ANKRD7: variants seen among roughly 807,000 people sequenced by gnomAD.
ANKRD7 encodes ankyrin repeat domain-containing protein 7.
Under a neutral mutation model 30.8 loss-of-function variants are expected in ANKRD7, and 30 were observed. The observed-to-expected ratio is 0.97, with a 90% confidence interval of 0.73 to 1.32. The LOEUF (loss-of-function observed/expected upper bound fraction) is 1.32. Among genes scored for constraint, ANKRD7 ranks in the 40% most tolerant of loss-of-function variants. The pLI is 0.00. For synonymous variants in ANKRD7, 97 were observed against 106.6 expected, an observed-to-expected ratio of 0.91 and a Z score of 0.55; for missense variants, 264 against 295.7, an observed-to-expected ratio of 0.89 and a Z score of 0.79.
chr7:118,240,450 A>T (rs1052147298), intron 6 of ANKRD7, among the ~76,000 whole-genome samples: 9 of 152,088 alleles, frequency 5.9e-5, no homozygotes, highest in Non-Finnish European at 1.2e-4. Context: ...ACTGAGAATG[A>T]TGTTTTCCAA....
At chr7:118,241,280 C>G (rs1809837315) in intron 6 of ANKRD7, among the ~76,000 whole-genome samples, 1 of 149,144 alleles carries the variant, frequency 6.7e-6, no homozygotes, top group South Asian at 2.1e-4. Context: ...ACTTTTAGAA[C>G]TCTCCTCTGT....
At chr7:118,227,849 G>A in intron 1 of ANKRD7, 2 of 1,309,600 alleles carry the variant, frequency 1.5e-6, no homozygotes, top group African/African-American at 1.5e-5. Flanking sequence ...AGGTGGGTAA[G>A]TGAAAACTAT....
chr7:118,231,720 A>G (rs1282005550), intron 1 of ANKRD7, among the ~76,000 whole-genome samples: 1 of 152,070 alleles, frequency 6.6e-6, no homozygotes. Context: ...CTAAAGTTCA[A>G]TTTGAAATTT....
In ANKRD7 at chr7:118,234,886, T is replaced by C; in HGVS notation, c.468+12T>C. ...AAGCGAAAAATAAGGTAGTTTTCTA[T>C]TAAAGAAAAAAATCCTGTATTTTAG... On this transcript the variant is annotated intron_variant, in intron 3 of 6. Coordinates refer to ENST00000265224, the MANE Select transcript of ANKRD7 (RefSeq NM_019644.4). The C allele has an allele frequency of 1.3e-6, 2 of 1,576,870 alleles. No individual in the cohort carries two copies. Among genetic ancestry groups the C allele is most frequent in the South Asian group, 1.2e-5 (1 of 84,312 alleles).
intron 4 of ANKRD7, 143 bp from the exon 5 acceptor site, chr7:118,236,647 A>T: frequency 1.2e-6 from 1 of 839,932 alleles, no homozygotes; most frequent in South Asian, 1.8e-5. Context: ...TTTTGAGCAG[A>T]TCTGCTGTAT....
chr7:118,234,540 A>G lies in ANKRD7; in HGVS notation c.289A>G (p.Ile97Val). The part of the protein sequence containing the change: ...VRDSENKSPL[I>V]KAVQCQNEDC... Reference sequence around the variant, plus strand: ...GGATAGTGAAAACAAATCCCCATTGATTAAGGTATGCCATAGTTTTTCTTT... The same window carrying G: ...GGATAGTGAAAACAAATCCCCATTGGTTAAGGTATGCCATAGTTTTTCTTT... The change falls in exon 2 of 7, where the codon ATT (isoleucine) becomes GTT (valine). Residue 97 changes from isoleucine to valine, a missense_variant. By Grantham distance (29) the Ile-to-Val change is conservative. Coordinates refer to ENST00000265224, the MANE Select transcript of ANKRD7 (RefSeq NM_019644.4). 1.2e-6 allele frequency: 2 copies of G among 1,606,238 alleles called. No homozygotes were observed. Among genetic ancestry groups the G allele is most frequent in the East Asian group, 2.2e-5 (1 of 44,772 alleles).
intron 1 of ANKRD7, chr7:118,227,904 G>GTC: frequency 8.9e-7 from 1 of 1,126,262 alleles, no homozygotes; most frequent in South Asian, 1.3e-5. Flanking sequence ...ATAGTATTAT[G>GTC]TCTTTTTTTT....
chr7:118,226,287 TTAATC>T (rs763208407), intron 1 of ANKRD7, among the ~76,000 whole-genome samples: 54 of 152,182 alleles, frequency 3.5e-4, no homozygotes, highest in Admixed American at 5.9e-4. Flanking sequence ...AAATTCTTCT[TTAATC>T]TAAAGTGAGT....
At chr7:118,236,196 TTGTGTGTGTGCGTATGTGTGTGTGTG>T in intron 4 of ANKRD7, 49 bp downstream of exon 4, 1 of 993,518 alleles carries the variant, frequency 1.0e-6, no homozygotes, top group Non-Finnish European at 1.5e-6. Flanking sequence ...CCTGATAGGA[TTGTGTGTGTGCGTATGTGTGTGTGTG>T]TGTGTGTGTG....
Position 118,234,693 on chromosome 7 carries a change from A to G in ANKRD7, c.295-8A>G. 6.3e-7 allele frequency: 1 copy of G among 1,600,000 alleles called. No homozygotes were observed. The highest frequency in any genetic ancestry group is 8.5e-7 in the Non-Finnish European group (1 of 1,175,620). On this transcript the variant is annotated splice_polypyrimidine_tract_variant and splice_region_variant and intron_variant, in intron 2 of 6. Transcript: ENST00000265224. The stretch of plus-strand genomic sequence containing the variant: ...TTGGTTACTCATCTACTCTTGTTGC[A>G]TTAACAGGCAGTACAGTGTCAAAAT...
At chr7:118,227,931 G>A (rs1809572727) in intron 1 of ANKRD7, 1 of 1,340,532 alleles carries the variant, frequency 7.5e-7, no homozygotes, top group East Asian at 4.7e-5. Flanking sequence ...AACAAAAACA[G>A]TGTTGTCCAA....
At chr7:118,239,031 GAC>G (rs1358021210) in intron 5 of ANKRD7, among the ~76,000 whole-genome samples, 1 of 152,168 alleles carries the variant, frequency 6.6e-6, no homozygotes, top group Non-Finnish European at 1.5e-5. Flanking sequence ...CATGCAGAGA[GAC>G]ACAGGGGTGC....
In ANKRD7 at chr7:118,236,204, G is replaced by A. The variant is rs1584725522; in HGVS notation, c.575+57G>A. On this transcript the variant is annotated intron_variant, in intron 4 of 6. Coordinates refer to ENST00000265224, the MANE Select transcript of ANKRD7 (RefSeq NM_019644.4). ...AAAGCTACCTGATAGGATTGTGTGTGTGCGTATGTGTGTGTGTGTGTGTGT... is the reference window on the plus strand; with the variant it reads ...AAAGCTACCTGATAGGATTGTGTGTATGCGTATGTGTGTGTGTGTGTGTGT... The A allele has an allele frequency of 6.9e-6, 6 of 867,262 alleles. No individual in the cohort carries two copies. The East Asian group carries it at 1.3e-4, about 19-fold the overall frequency. 53.7% of individuals were successfully genotyped at this position (867,262 alleles called of 1,614,324 possible).
At chr7:118,225,046 T>TGG in intron 1 of ANKRD7, 37 bp downstream of exon 1, 1 of 1,609,670 alleles carries the variant, frequency 6.2e-7, no homozygotes, top group South Asian at 1.1e-5. Flanking sequence ...GAGGACGGGT[T>TGG]GGGGCCTGGG....
At chr7:118,226,682 T>G (rs1281537752) in intron 1 of ANKRD7, among the ~76,000 whole-genome samples, 1 of 152,172 alleles carries the variant, frequency 6.6e-6, no homozygotes, top group Non-Finnish European at 1.5e-5. Context: ...TCTCTGGTAT[T>G]TTTTGGTAGT....
chr7:118,234,928 A>G (rs900022293), intron 3 of ANKRD7, 54 bp downstream of exon 3: 2 of 1,391,066 alleles, frequency 1.4e-6, no homozygotes, highest in African/African-American at 1.5e-5. Flanking sequence ...ACTGAAGAGC[A>G]TATTTCAGAT....
chr7:118,231,112 G>T (rs778499781), intron 1 of ANKRD7, among the ~76,000 whole-genome samples: 8 of 152,038 alleles, frequency 5.3e-5, no homozygotes, highest in African/African-American at 7.2e-5. Flanking sequence ...TCTGTATCAT[G>T]CAGAGATACC....
At chr7:118,230,316 G>T (rs368617338) in intron 1 of ANKRD7, among the ~76,000 whole-genome samples, 1 of 152,082 alleles carries the variant, frequency 6.6e-6, no homozygotes, top group East Asian at 1.9e-4. Flanking sequence ...GGGCATGAGA[G>T]TTGAAAAACT....
intron 6 of ANKRD7, among the ~76,000 whole-genome samples, chr7:118,241,562 TGGAG>T (rs1809847567): frequency 8.0e-6 from 1 of 125,540 alleles, no homozygotes; most frequent in South Asian, 2.7e-4. Flanking sequence ...GTTTTTGAGG[TGGAG>T]TCTCACTCTG....
Sources: gnomAD v4.1 joint callset for allele counts (sites outside exome capture counted in the v4.1 genomes callset) on GRCh38, gnomAD v4.1.1 for gene constraint, MANE v1.5 for transcripts, NCBI Gene and HGNC (gene_info 2026-07-23, HGNC 2026-07-21) for gene names.